The following RBFOX1 variants were observed in gnomAD, a reference collection of about 807,000 sequenced individuals.
RBFOX1 encodes the protein RNA binding fox-1 homolog 1, also known as RNA binding protein fox-1 homolog 1.
RBFOX1 carries 8 observed loss-of-function variants against 57.7 expected under a neutral mutation model. That is an observed-to-expected ratio of 0.14 (90% CI 0.08 to 0.25). The LOEUF (loss-of-function observed/expected upper bound fraction) is 0.25, where lower values mean the gene tolerates loss of function less well. Ranked by LOEUF, RBFOX1 falls within the 10% of genes least tolerant of loss-of-function variation. The pLI, the probability that RBFOX1 is intolerant of heterozygous loss-of-function variation, is 1.00. For synonymous variants in RBFOX1, 326 were observed against 222.4 expected (o/e 1.47, Z -4.15); for missense variants, 611 against 548.5 (o/e 1.11, Z -1.14).
chr16:6,469,150 A>G (rs2095117412), intron 2 of RBFOX1, among the ~76,000 whole-genome samples: 1 of 152,198 alleles, frequency 6.6e-6, no homozygotes. Context: ...TGTCAAAAGA[A>G]TATTGAAGAG....
At chr16:6,117,494 C>T (rs952571835) in intron 1 of RBFOX1, among the ~76,000 whole-genome samples, 1 of 152,214 alleles carries the variant, frequency 6.6e-6, no homozygotes, top group Admixed American at 6.5e-5. Flanking sequence ...CATTCAGATG[C>T]CATTAGGCCA....
chr16:5,284,622 G>T (rs1309917410), intron 1 of RBFOX1, among the ~76,000 whole-genome samples: 1 of 149,976 alleles, frequency 6.7e-6, no homozygotes, highest in Admixed American at 6.7e-5. Flanking sequence ...GCTCACTGCA[G>T]CCTTGAACTC....
chr16:5,755,742 G>A (rs2053370113), intron 3 of RBFOX1, among the ~76,000 whole-genome samples: 1 of 152,290 alleles, frequency 6.6e-6, no homozygotes, highest in East Asian at 1.9e-4. Context: ...GGGATTACAG[G>A]CATGCATCTC....
chr16:5,829,026 T>C (rs1474078827), intron 3 of RBFOX1, among the ~76,000 whole-genome samples: 1 of 152,114 alleles, frequency 6.6e-6, no homozygotes, highest in South Asian at 2.1e-4. Context: ...TCCGAAGACC[T>C]GGCCAAGGAA....
intron 3 of RBFOX1, among the ~76,000 whole-genome samples, chr16:6,883,095 T>C (rs2063293680): frequency 1.3e-5 from 2 of 152,168 alleles, no homozygotes; most frequent in African/African-American, 4.8e-5. Flanking sequence ...AATGATGTAA[T>C]TAGTATGAAT....
At chr16:6,265,177 T>C (rs548956905) in intron 1 of RBFOX1, among the ~76,000 whole-genome samples, 1 of 152,336 alleles carries the variant, frequency 6.6e-6, no homozygotes, top group South Asian at 2.1e-4. Flanking sequence ...CATTATGCTC[T>C]TCGCACACTC....
chr16:5,618,336 T>TG (rs1296917681), intron 3 of RBFOX1, among the ~76,000 whole-genome samples: 9 of 93,450 alleles, frequency 9.6e-5, no homozygotes, highest in Non-Finnish European at 2.6e-4. Flanking sequence ...CAGATTTTTT[T>TG]TTTTTGTGTG....
At chr16:5,459,472 C>G (rs908536376) in intron 1 of RBFOX1, among the ~76,000 whole-genome samples, 2 of 151,966 alleles carry the variant, frequency 1.3e-5, no homozygotes, top group African/African-American at 4.8e-5. Context: ...GTTTAGACCT[C>G]CTCTCTGAAT....
chr16:6,487,144 C>CTGTGTGTGTGTGTGTG (rs60180975), intron 2 of RBFOX1, among the ~76,000 whole-genome samples: 25 of 140,220 alleles, frequency 1.8e-4, no homozygotes, highest in African/African-American at 5.3e-4. Context: ...TGTGGGGTTT[C>CTGTGTGTGTGTGTGTG]TGTGTGTGTG....
chr16:6,457,968 G>C (rs1057017918), intron 2 of RBFOX1, among the ~76,000 whole-genome samples: 5 of 151,174 alleles, frequency 3.3e-5, no homozygotes, highest in South Asian at 2.1e-4. Context: ...TGTGCAAACA[G>C]ATGCGTGTGC....
At chr16:6,399,104 C>T (rs1330245205) in intron 2 of RBFOX1, among the ~76,000 whole-genome samples, 9 of 152,222 alleles carry the variant, frequency 5.9e-5, no homozygotes, top group Admixed American at 1.3e-4. Flanking sequence ...CTTGCACCCT[C>T]TGAAGCAATG....
In RBFOX1 at chr16:7,682,756, A is replaced by G. The variant is rs1253086566; in HGVS notation, c.995+5918A>G. 2.6e-5 allele frequency among the ~76,000 whole-genome samples: 4 copies of G among 151,236 alleles called. No individual in the cohort carries two copies. The East Asian group carries it at 6.0e-4, about 22-fold the overall frequency. Reference sequence around the variant, plus strand: ...AGAACTCCAGGTTGAGCACGTGTACATCTATACATATCTACATGTATAAAC... The same window carrying G: ...AGAACTCCAGGTTGAGCACGTGTACGTCTATACATATCTACATGTATAAAC... On this transcript the variant is annotated intron_variant, in intron 14 of 15. Transcript: ENST00000550418.
chr16:5,962,770 T>A (rs1202578218), intron 4 of RBFOX1, among the ~76,000 whole-genome samples: 3 of 151,962 alleles, frequency 2.0e-5, no homozygotes, highest in Non-Finnish European at 4.4e-5. Flanking sequence ...AATTGGGTCA[T>A]TCGCTTTTCA....
chr16:6,899,396 A>T (rs2067891646), intron 3 of RBFOX1, among the ~76,000 whole-genome samples: 1 of 152,156 alleles, frequency 6.6e-6, no homozygotes, highest in South Asian at 2.1e-4. Flanking sequence ...TCTTGGCTCA[A>T]AATTTTCATG....
intron 2 of RBFOX1, among the ~76,000 whole-genome samples, chr16:5,595,712 GC>G (rs2047158624): frequency 6.6e-6 from 1 of 152,144 alleles, no homozygotes. Flanking sequence ...GCATCTCTTG[GC>G]TCTGTTTCCC....
At chr16:5,356,272 C>T (rs1355096631) in intron 1 of RBFOX1, among the ~76,000 whole-genome samples, 3 of 152,188 alleles carry the variant, frequency 2.0e-5, no homozygotes, top group African/African-American at 7.2e-5. Context: ...CAGAAGGAAT[C>T]ATCCGTGATG....
intron 1 of RBFOX1, among the ~76,000 whole-genome samples, chr16:5,439,729 G>C (rs946115632): frequency 2.6e-5 from 4 of 152,128 alleles, no homozygotes; most frequent in African/African-American, 9.7e-5. Context: ...ACAGGTTTGA[G>C]CCACTGTCCT....
chr16:5,479,960 T>G (rs79061799), intron 2 of RBFOX1, among the ~76,000 whole-genome samples: 1,898 of 152,110 alleles, frequency 0.012, 20 homozygotes, highest in Middle Eastern at 0.027. Flanking sequence ...CTCCCCACCC[T>G]CCAGCCCAGC....
At chr16:7,096,777 C>T (rs556292096) in intron 4 of RBFOX1, among the ~76,000 whole-genome samples, 1 of 151,732 alleles carries the variant, frequency 6.6e-6, no homozygotes, top group South Asian at 2.1e-4. Context: ...AGTAAAAATA[C>T]AAAAATTAGT....
Sources: allele counts gnomAD v4.1 joint callset (sites outside exome capture counted in the v4.1 genomes callset), GRCh38; gene constraint gnomAD v4.1.1; transcripts MANE v1.5; gene names NCBI Gene and HGNC (gene_info 2026-07-23, HGNC 2026-07-21).